The following LRRIQ3 variants were observed in gnomAD, a reference collection of about 807,000 sequenced individuals.
LRRIQ3 encodes leucine-rich repeat and IQ domain-containing protein 3.
LRRIQ3 carries 75 observed loss-of-function variants against 59.3 expected under a neutral mutation model. The ratio of observed to expected loss-of-function variants is 1.26; its 90% confidence interval spans 1.05 to 1.53. LRRIQ3 has a LOEUF of 1.53. Ranked by LOEUF, LRRIQ3 falls within the 40% of genes most tolerant of loss-of-function variation. The pLI is 0.00. For synonymous variants in LRRIQ3, 250 were observed against 231.3 expected (o/e 1.08, Z -0.73); for missense variants, 831 against 710.0 (o/e 1.17, Z -1.94).
rs1646221356 is a variant in LRRIQ3 at position 74,077,401 on chromosome 1, A to T, written c.868-2611T>A. 2.0e-5 allele frequency among the ~76,000 whole-genome samples: 3 copies of T among 152,000 alleles called. No homozygotes were observed. In the South Asian group the frequency reaches 6.2e-4, roughly 32 times the overall value. ...GATAAAATAATGAGTATGTTCAGTG[A>T]TCCTGTTTCCACTAGTACTTACACC... On this transcript the variant is annotated intron_variant, in intron 5 of 7. Coordinates refer to ENST00000354431, the MANE Select transcript of LRRIQ3 (RefSeq NM_001105659.2).
chr1:74,068,376 A>T (rs150013928), intron 6 of LRRIQ3, among the ~76,000 whole-genome samples: 5 of 152,050 alleles, frequency 3.3e-5, no homozygotes, highest in South Asian at 2.1e-4. Context: ...ATAGCAGGGA[A>T]ATAGAACAAT....
chr1:74,060,138 C>G (rs1352102141), intron 6 of LRRIQ3, among the ~76,000 whole-genome samples: 2 of 151,858 alleles, frequency 1.3e-5, no homozygotes, highest in Admixed American at 1.3e-4. Context: ...ATTTCTGATT[C>G]TAGTAACCTG....
At chr1:74,103,285 G>C (rs1646560388) in intron 5 of LRRIQ3, among the ~76,000 whole-genome samples, 1 of 151,922 alleles carries the variant, frequency 6.6e-6, no homozygotes, top group Non-Finnish European at 1.5e-5. Flanking sequence ...CATAGAACTT[G>C]ATTGATTGCA....
At chr1:74,124,633 T>C (rs966691874) in intron 4 of LRRIQ3, among the ~76,000 whole-genome samples, 1 of 151,986 alleles carries the variant, frequency 6.6e-6, no homozygotes, top group Non-Finnish European at 1.5e-5. Context: ...CTCCAATGCA[T>C]GTTCTTGGCA....
At chr1:74,172,806 CATT>C (rs2100702939) in intron 3 of LRRIQ3, among the ~76,000 whole-genome samples, 1 of 152,070 alleles carries the variant, frequency 6.6e-6, no homozygotes, top group East Asian at 1.9e-4. Flanking sequence ...ACCCTTTTAT[CATT>C]ATTTGATGAC....
chr1:74,030,195 C>G (rs536137491), intron 7 of LRRIQ3, among the ~76,000 whole-genome samples: 2 of 152,040 alleles, frequency 1.3e-5, no homozygotes, highest in East Asian at 3.9e-4. Flanking sequence ...TCATATTGCC[C>G]AAGGTAATTT....
At chr1:74,035,017 GA>G (rs1442685221) in intron 7 of LRRIQ3, among the ~76,000 whole-genome samples, 2 of 151,978 alleles carry the variant, frequency 1.3e-5, no homozygotes, top group Non-Finnish European at 2.9e-5. Context: ...GAAAGACTTT[GA>G]AAGGGTAAAA....
chr1:74,158,288 A>T (rs1362448370), intron 3 of LRRIQ3, among the ~76,000 whole-genome samples: 1 of 152,174 alleles, frequency 6.6e-6, no homozygotes, highest in Non-Finnish European at 1.5e-5. Flanking sequence ...TGTAAATCTT[A>T]TCATATGACA....
At chr1:74,055,110 C>A (rs1413245259) in intron 6 of LRRIQ3, among the ~76,000 whole-genome samples, 1 of 147,424 alleles carries the variant, frequency 6.8e-6, no homozygotes, top group Non-Finnish European at 1.5e-5. Context: ...ATAACACAAC[C>A]ATCATGACAT....
intron 6 of LRRIQ3, among the ~76,000 whole-genome samples, chr1:74,060,064 G>T (rs1654655827): frequency 6.6e-6 from 1 of 151,842 alleles, no homozygotes; most frequent in African/African-American, 2.4e-5. Context: ...TTTGCATATT[G>T]TTCATTGTAT....
intron 5 of LRRIQ3, among the ~76,000 whole-genome samples, chr1:74,089,819 A>G (rs1307623193): frequency 1.3e-5 from 2 of 152,058 alleles, no homozygotes; most frequent in Admixed American, 1.3e-4. Context: ...TTTTATTTTA[A>G]TGGTATGTGA....
At chr1:74,126,284 T>G (rs1646935013) in intron 4 of LRRIQ3, among the ~76,000 whole-genome samples, 1 of 151,578 alleles carries the variant, frequency 6.6e-6, no homozygotes, top group Non-Finnish European at 1.5e-5. Flanking sequence ...TTGATTATAT[T>G]TATCTTTTAA....
intron 4 of LRRIQ3, among the ~76,000 whole-genome samples, chr1:74,136,448 A>G (rs1426626973): frequency 6.6e-6 from 1 of 152,006 alleles, no homozygotes; most frequent in African/African-American, 2.4e-5. Context: ...AGCAGTGAGC[A>G]TCATTCCAAG....
At chr1:74,084,112 T>C in intron 5 of LRRIQ3, 1 of 1,506,572 alleles carries the variant, frequency 6.6e-7, no homozygotes. Context: ...GTTTTCATCC[T>C]GTTGTCCAAT....
chr1:74,083,026 C>T (rs1313471223), intron 5 of LRRIQ3: 2 of 151,570 alleles, frequency 1.3e-5, no homozygotes, highest in South Asian at 2.1e-4. Flanking sequence ...TTCTTCTCCG[C>T]CAAATGCCAC....
intron 3 of LRRIQ3, among the ~76,000 whole-genome samples, chr1:74,165,038 A>G (rs577999142): frequency 6.6e-6 from 1 of 151,700 alleles, no homozygotes; most frequent in Admixed American, 6.6e-5. Flanking sequence ...ATGTGTTATC[A>G]ATACCACCAC....
At chr1:74,142,667 T>C (rs1647310545) in intron 4 of LRRIQ3, among the ~76,000 whole-genome samples, 1 of 152,040 alleles carries the variant, frequency 6.6e-6, no homozygotes, top group African/African-American at 2.4e-5. Flanking sequence ...TGGCCACAAA[T>C]GCTTGCTTAA....
intron 5 of LRRIQ3, among the ~76,000 whole-genome samples, chr1:74,099,919 G>T (rs1010460907): frequency 2.0e-5 from 3 of 151,714 alleles, no homozygotes; most frequent in Admixed American, 1.3e-4. Flanking sequence ...AAATAATAAG[G>T]GCTATCTATG....
intron 6 of LRRIQ3, among the ~76,000 whole-genome samples, chr1:74,062,680 T>C (rs950419015): frequency 4.6e-5 from 7 of 152,122 alleles, no homozygotes; most frequent in Non-Finnish European, 7.4e-5. Context: ...ATCATGTCCT[T>C]TGTAGTAACA....
Sources: allele counts gnomAD v4.1 joint callset (sites outside exome capture counted in the v4.1 genomes callset), GRCh38; gene constraint gnomAD v4.1.1; transcripts MANE v1.5; gene names NCBI Gene and HGNC (gene_info 2026-07-23, HGNC 2026-07-21).